SCUBE1: variants seen among roughly 807,000 people sequenced by gnomAD.
The protein encoded by SCUBE1 is signal peptide, CUB domain and EGF like domain containing 1.
Under a neutral mutation model 124.4 loss-of-function variants are expected in SCUBE1, and 59 were observed. The ratio of observed to expected loss-of-function variants is 0.47; its 90% confidence interval spans 0.38 to 0.59. SCUBE1 has a LOEUF of 0.59. Among genes scored for constraint, SCUBE1 ranks in the 20% least tolerant of loss-of-function variants. The pLI is 0.00. For missense variants in SCUBE1, 1,150 were observed against 1,371.2 expected, an observed-to-expected ratio of 0.84 and a Z score of 2.55; for synonymous variants, 545 against 550.9, an observed-to-expected ratio of 0.99 and a Z score of 0.15.
At chr22:43,341,097 AC>A (rs1569038977) in intron 1 of SCUBE1, among the ~76,000 whole-genome samples, 1 of 152,012 alleles carries the variant, frequency 6.6e-6, no homozygotes, top group Non-Finnish European at 1.5e-5. Flanking sequence ...ACACACACAC[AC>A]ACATGCATGC....
In SCUBE1 at chr22:43,221,161, C is replaced by T. The variant is rs534247913; in HGVS notation, c.1549+12G>A. The T allele has an allele frequency of 3.4e-5, 54 of 1,594,502 alleles. No homozygotes were observed. The highest frequency in any genetic ancestry group is 8.9e-5 in the East Asian group (4 of 44,824). The stretch of plus-strand genomic sequence containing the variant: ...CCGTTGGTGTGGGTTAGGAGCAGGG[C>T]GTCCCACTCACCCAGCAGCGGCTGC... On this transcript the variant is annotated intron_variant, in intron 13 of 21. Coordinates refer to ENST00000360835, the MANE Select transcript of SCUBE1 (RefSeq NM_173050.5).
chr22:43,319,692 C>T (rs939720090), intron 3 of SCUBE1, among the ~76,000 whole-genome samples: 10 of 151,996 alleles, frequency 6.6e-5, no homozygotes, highest in African/African-American at 2.2e-4. Flanking sequence ...GACAGAGGAG[C>T]GGGCCCTCCG....
intron 3 of SCUBE1, among the ~76,000 whole-genome samples, chr22:43,300,954 G>A (rs981301354): frequency 1.6e-4 from 25 of 152,152 alleles, no homozygotes; most frequent in South Asian, 1.5e-3. Flanking sequence ...TTCATGGGCC[G>A]CGTGCTGAAC....
intron 5 of SCUBE1, among the ~76,000 whole-genome samples, chr22:43,261,099 G>C (rs569753177): frequency 1.3e-5 from 2 of 152,246 alleles, no homozygotes; most frequent in African/African-American, 4.8e-5. Flanking sequence ...CCCTGCTGAC[G>C]CCATGCATTT....
At chr22:43,231,194 C>T (rs944097249) in intron 8 of SCUBE1, among the ~76,000 whole-genome samples, 2 of 152,150 alleles carry the variant, frequency 1.3e-5, no homozygotes, top group Admixed American at 1.3e-4. Flanking sequence ...CCTGGAAAAT[C>T]GCTACTCACC....
chr22:43,331,406 A>G (rs1394685009), intron 2 of SCUBE1, among the ~76,000 whole-genome samples: 1 of 152,204 alleles, frequency 6.6e-6, no homozygotes, highest in East Asian at 1.9e-4. Flanking sequence ...TAATTATAGC[A>G]TTTTGGAAAA....
chr22:43,323,810 A>G (rs1417404283), intron 2 of SCUBE1, among the ~76,000 whole-genome samples: 1 of 152,228 alleles, frequency 6.6e-6, no homozygotes, highest in Admixed American at 6.5e-5. Flanking sequence ...CAAACAGCTT[A>G]CAAAATACAT....
chr22:43,254,223 ACTCT>A (rs2146702280), intron 6 of SCUBE1, among the ~76,000 whole-genome samples: 1 of 152,010 alleles, frequency 6.6e-6, no homozygotes, highest in Non-Finnish European at 1.5e-5. Flanking sequence ...TCTGGCCCTT[ACTCT>A]TCTCATCCGA....
chr22:43,338,979 G>C, intron 2 of SCUBE1, 125 bp downstream of exon 2: 1 of 1,142,408 alleles, frequency 8.8e-7, no homozygotes, highest in Non-Finnish European at 1.3e-6. Context: ...AGCCTGTGCT[G>C]TCAGCAACCA....
chr22:43,218,227 A>G, intron 15 of SCUBE1, 28 bp downstream of exon 15: 1 of 1,607,552 alleles, frequency 6.2e-7, no homozygotes, highest in Non-Finnish European at 8.5e-7. Context: ...CAGAGTCAGC[A>G]TCTGAGTGGC....
chr22:43,242,359 T>C (rs1248153233), intron 6 of SCUBE1, among the ~76,000 whole-genome samples: 1 of 152,202 alleles, frequency 6.6e-6, no homozygotes, highest in Non-Finnish European at 1.5e-5. Context: ...AGACCTGGTA[T>C]TAGGCCACAG....
chr22:43,237,485 C>T (rs1392840661), intron 7 of SCUBE1: 1 of 152,214 alleles, frequency 6.6e-6, no homozygotes, highest in African/African-American at 2.4e-5. Flanking sequence ...GCCAGTCACT[C>T]CTGGCACTGA....
At chr22:43,248,554 G>A (rs945194530) in intron 6 of SCUBE1, among the ~76,000 whole-genome samples, 6 of 152,232 alleles carry the variant, frequency 3.9e-5, no homozygotes, top group African/African-American at 9.6e-5. Flanking sequence ...GGCCCCAGCT[G>A]ACCAGACACC....
At chr22:43,218,129 G>A in intron 15 of SCUBE1, 126 bp downstream of exon 15, 2 of 847,452 alleles carry the variant, frequency 2.4e-6, no homozygotes, top group South Asian at 3.0e-5. Context: ...CTCCCCGGCA[G>A]GCCTCTGCAT....
At chr22:43,206,203 CA>C (rs1921269989) in intron 21 of SCUBE1, among the ~76,000 whole-genome samples, 1 of 145,258 alleles carries the variant, frequency 6.9e-6, no homozygotes. Flanking sequence ...CACTACACCC[CA>C]CACACACCCA....
At chr22:43,315,764 G>A (rs1216173866) in intron 3 of SCUBE1, among the ~76,000 whole-genome samples, 1 of 149,642 alleles carries the variant, frequency 6.7e-6, no homozygotes. Context: ...GGGGAGGGGG[G>A]GAACCTTACC....
intron 2 of SCUBE1, among the ~76,000 whole-genome samples, chr22:43,327,064 T>C (rs968336865): frequency 6.6e-6 from 1 of 152,202 alleles, no homozygotes; most frequent in African/African-American, 2.4e-5. Context: ...AGCCCGAGCA[T>C]GTTCAAAGGC....
chr22:43,242,617 T>C (rs1490243092), intron 6 of SCUBE1, among the ~76,000 whole-genome samples: 2 of 152,056 alleles, frequency 1.3e-5, no homozygotes, highest in African/African-American at 4.8e-5. Flanking sequence ...TGAAACACAC[T>C]TGTGGAGGGC....
At chr22:43,225,593 G>A (rs550608493) in intron 10 of SCUBE1, among the ~76,000 whole-genome samples, 22 of 150,298 alleles carry the variant, frequency 1.5e-4, no homozygotes, top group Non-Finnish European at 2.2e-4. Context: ...TGACCAACAT[G>A]GTGAAACCTC....
Sources: allele counts gnomAD v4.1 joint callset (sites outside exome capture counted in the v4.1 genomes callset), GRCh38; gene constraint gnomAD v4.1.1; transcripts MANE v1.5; gene names NCBI Gene and HGNC (gene_info 2026-07-23, HGNC 2026-07-21).